The following ZFPM2 variants were observed in gnomAD, a reference collection of about 807,000 sequenced individuals.
The protein encoded by ZFPM2 is zinc finger protein, FOG family member 2.
Under a neutral mutation model 98.6 loss-of-function variants are expected in ZFPM2, and 20 were observed. That is an observed-to-expected ratio of 0.20 (90% confidence interval 0.14 to 0.29). The LOEUF (loss-of-function observed/expected upper bound fraction) is 0.29, where lower values mean the gene tolerates loss of function less well. Among genes scored for constraint, ZFPM2 ranks in the 10% least tolerant of loss-of-function variants. The pLI is 1.00. For missense variants in ZFPM2, 1,310 were observed against 1,388.6 expected, an observed-to-expected ratio of 0.94 and a Z score of 0.90; for synonymous variants, 518 against 502.7, an observed-to-expected ratio of 1.03 and a Z score of -0.41.
rs1167839220 is a variant in ZFPM2, at chr8:105,617,029, A to G, written c.421-17217A>G. ...AGCAAGACTCTGTCTCGAAAAAAAA[A>G]AAAAAAAAAAAAAAAAAAAAAAAAA... is the stretch of plus-strand genomic sequence containing the variant. On this transcript the variant is annotated intron_variant, in intron 4 of 7. Transcript: ENST00000407775. Among the ~76,000 whole-genome samples the G allele has an allele frequency of 4.9e-3, 306 of 62,826 alleles. 6 individuals are homozygous for G. The highest frequency in any genetic ancestry group is 0.016 in the African/African-American group (284 of 17,820). The allele number at this position is 62,826 out of a possible 152,430, so 41.2% of individuals were successfully genotyped here. A position where few individuals can be genotyped will look rare whatever the true frequency, so the allele number is the denominator to read the frequency against.
At chr8:105,492,972 T>C (rs1386911424) in intron 3 of ZFPM2, among the ~76,000 whole-genome samples, 1 of 152,200 alleles carries the variant, frequency 6.6e-6, no homozygotes, top group African/African-American at 2.4e-5. Flanking sequence ...TAGTATTTTT[T>C]GTATATTTTG....
chr8:105,369,138 A>G (rs2957456), intron 1 of ZFPM2, among the ~76,000 whole-genome samples: 126,039 of 152,100 alleles, frequency 0.83, 52,400 homozygotes, highest in East Asian at 0.97. Flanking sequence ...TTGCTCCTAC[A>G]TTTAACTGGC....
At chr8:105,648,258 T>A (rs371851527) in intron 5 of ZFPM2, among the ~76,000 whole-genome samples, 4 of 152,142 alleles carry the variant, frequency 2.6e-5, no homozygotes, top group South Asian at 2.1e-4. Context: ...GTTTGAGTTC[T>A]TTGTAGATTC....
chr8:105,519,997 T>C (rs952610670), intron 3 of ZFPM2, among the ~76,000 whole-genome samples: 18 of 152,032 alleles, frequency 1.2e-4, no homozygotes, highest in African/African-American at 3.6e-4. Context: ...CTTTTCTAAC[T>C]AAAAAAAATT....
intron 3 of ZFPM2, among the ~76,000 whole-genome samples, chr8:105,500,456 G>A (rs1813567956): frequency 6.6e-6 from 1 of 152,064 alleles, no homozygotes; most frequent in Non-Finnish European, 1.5e-5. Flanking sequence ...TTTCTGGCCT[G>A]TATCCCTTCT....
intron 3 of ZFPM2, among the ~76,000 whole-genome samples, chr8:105,467,768 A>C (rs1176663682): frequency 2.0e-5 from 3 of 151,992 alleles, no homozygotes; most frequent in African/African-American, 7.2e-5. Context: ...TATATACAAC[A>C]TAATAAAAAA....
chr8:105,598,779 T>C (rs1404766900), intron 4 of ZFPM2, among the ~76,000 whole-genome samples: 2 of 152,150 alleles, frequency 1.3e-5, no homozygotes, highest in African/African-American at 4.8e-5. Flanking sequence ...TCTTTATGTG[T>C]GAAACCCTGG....
intron 2 of ZFPM2, among the ~76,000 whole-genome samples, chr8:105,424,499 A>T (rs1811866502): frequency 6.6e-6 from 1 of 152,200 alleles, no homozygotes; most frequent in South Asian, 2.1e-4. Flanking sequence ...TATATGGTGT[A>T]ACAATGGAAA....
intron 1 of ZFPM2, among the ~76,000 whole-genome samples, chr8:105,404,422 C>G (rs552434427): frequency 2.0e-5 from 3 of 151,974 alleles, no homozygotes; most frequent in African/African-American, 7.2e-5. Flanking sequence ...TTCTATTTGA[C>G]GTCTTATTAC....
In ZFPM2 at chr8:105,539,035, A is replaced by G. The variant is rs766310008; in HGVS notation, c.302-22328A>G. 1.3e-4 allele frequency among the ~76,000 whole-genome samples: 20 copies of G among 152,134 alleles called. 1 individual carries two copies. The highest frequency in any genetic ancestry group is 7.2e-4 in the Admixed American group (11 of 15,258). On this transcript the variant is annotated intron_variant, in intron 3 of 7. Coordinates refer to ENST00000407775, the MANE Select transcript of ZFPM2 (RefSeq NM_012082.4). Reference sequence around the variant, plus strand: ...CCCAGTCTCACAAACAAAACAAAACAAAACAAAACACCAGACAACAACAAA... The same window carrying G: ...CCCAGTCTCACAAACAAAACAAAACGAAACAAAACACCAGACAACAACAAA...
chr8:105,674,543 A>G (rs1014196168), intron 5 of ZFPM2, among the ~76,000 whole-genome samples: 3 of 152,296 alleles, frequency 2.0e-5, no homozygotes, highest in African/African-American at 4.8e-5. Context: ...ATTTCTCCTC[A>G]TTGCCTTTTT....
At chr8:105,554,468 C>T (rs1053682278) in intron 3 of ZFPM2, among the ~76,000 whole-genome samples, 19 of 152,156 alleles carry the variant, frequency 1.2e-4, no homozygotes, top group African/African-American at 3.4e-4. Context: ...TTGAACTCAG[C>T]ATGACTTCGG....
At chr8:105,371,690 A>T (rs1027016018) in intron 1 of ZFPM2, among the ~76,000 whole-genome samples, 2 of 152,192 alleles carry the variant, frequency 1.3e-5, no homozygotes, top group Non-Finnish European at 2.9e-5. Context: ...TAAAATACAA[A>T]TTATTTGCAT....
chr8:105,640,079 A>G (rs964240627), intron 5 of ZFPM2, among the ~76,000 whole-genome samples: 1 of 152,020 alleles, frequency 6.6e-6, no homozygotes, highest in Non-Finnish European at 1.5e-5. Flanking sequence ...CTTACAATAC[A>G]AATTCATGAT....
chr8:105,615,802 A>G (rs1816402662), intron 4 of ZFPM2, among the ~76,000 whole-genome samples: 1 of 152,118 alleles, frequency 6.6e-6, no homozygotes, highest in African/African-American at 2.4e-5. Flanking sequence ...TGACAAAGGT[A>G]ATCTAACCAC....
intron 5 of ZFPM2, among the ~76,000 whole-genome samples, chr8:105,763,417 A>C (rs1346161099): frequency 6.6e-6 from 1 of 151,852 alleles, no homozygotes. Flanking sequence ...TTCTAGGGCC[A>C]ATACCTTCTG....
At chr8:105,664,250 G>A (rs1366944391) in intron 5 of ZFPM2, among the ~76,000 whole-genome samples, 1 of 151,858 alleles carries the variant, frequency 6.6e-6, no homozygotes, top group Non-Finnish European at 1.5e-5. Context: ...TCTTGCAAAT[G>A]CTAACACATT....
intron 3 of ZFPM2, among the ~76,000 whole-genome samples, chr8:105,552,897 C>T (rs1814896200): frequency 6.6e-6 from 1 of 150,838 alleles, no homozygotes; most frequent in East Asian, 2.0e-4. Context: ...GTCCTTGATC[C>T]CCCCCGGGCT....
chr8:105,489,663 C>T (rs762337763), intron 3 of ZFPM2, among the ~76,000 whole-genome samples: 2 of 151,084 alleles, frequency 1.3e-5, no homozygotes, highest in Admixed American at 1.3e-4. Context: ...GGAGTTTCAC[C>T]ATGTTGGCCA....
Sources: gnomAD v4.1 joint callset for allele counts (sites outside exome capture counted in the v4.1 genomes callset) on GRCh38, gnomAD v4.1.1 for gene constraint, MANE v1.5 for transcripts, NCBI Gene and HGNC (gene_info 2026-07-23, HGNC 2026-07-21) for gene names.